The following ABCA12 variants were observed in gnomAD, a reference collection of about 807,000 sequenced individuals.
ABCA12 encodes the protein glucosylceramide transporter ABCA12.
ABCA12 carries 156 observed loss-of-function variants against 293.5 expected under a neutral mutation model. That is an observed-to-expected ratio of 0.53 (90% CI 0.47 to 0.61). The LOEUF is 0.61. ABCA12 is among the 20% of genes least tolerant of loss of function. The pLI is 0.00. For missense variants in ABCA12, 2,797 were observed against 3,090.2 expected (o/e 0.91, Z 2.25); for synonymous variants, 1,063 against 1,108.0 (o/e 0.96, Z 0.81).
chr2:214,961,906 C>T (rs1322522286), intron 39 of ABCA12: 2 of 152,160 alleles, frequency 1.3e-5, no homozygotes, highest in African/African-American at 4.8e-5. Flanking sequence ...ACTCTTCGGT[C>T]TACTTCTACA....
At chr2:215,090,263 CACAA>C (rs1702116470) in intron 2 of ABCA12, among the ~76,000 whole-genome samples, 1 of 152,132 alleles carries the variant, frequency 6.6e-6, no homozygotes, top group Admixed American at 6.5e-5. Flanking sequence ...TTATTGCTCA[CACAA>C]AGCCTGTTTG....
chr2:215,048,053 C>T (rs555672355), intron 6 of ABCA12, among the ~76,000 whole-genome samples: 192 of 151,048 alleles, frequency 1.3e-3, no homozygotes, highest in African/African-American at 4.1e-3. Context: ...CTACAGCCAA[C>T]AAGCATATGA....
intron 39 of ABCA12, chr2:214,963,110 A>T (rs1699158867): frequency 6.6e-6 from 1 of 152,114 alleles, no homozygotes; most frequent in East Asian, 1.9e-4. Context: ...AAAATCCTTA[A>T]AAAAATCAAC....
At chr2:215,069,294 G>A (rs764502350) in intron 2 of ABCA12, among the ~76,000 whole-genome samples, 19 of 151,388 alleles carry the variant, frequency 1.3e-4, no homozygotes, top group Admixed American at 3.3e-4. Flanking sequence ...CCTTCTGATC[G>A]TGCAAATAAT....
chr2:215,079,844 TG>T (rs1701903389), intron 2 of ABCA12, among the ~76,000 whole-genome samples: 1 of 152,202 alleles, frequency 6.6e-6, no homozygotes. Context: ...GATAGGCTGA[TG>T]AAATCAGACA....
At chr2:215,102,845 TAC>T (rs1228955590) in intron 2 of ABCA12, among the ~76,000 whole-genome samples, 2 of 152,208 alleles carry the variant, frequency 1.3e-5, no homozygotes, top group Non-Finnish European at 2.9e-5. Flanking sequence ...CACTGAACTC[TAC>T]GTTGGAGCTA....
At chr2:215,126,931 G>T (rs1702938444) in intron 1 of ABCA12, among the ~76,000 whole-genome samples, 1 of 151,936 alleles carries the variant, frequency 6.6e-6, no homozygotes, top group Admixed American at 6.6e-5. Context: ...GGCATTTAGG[G>T]CTATGAGCTT....
intron 2 of ABCA12, among the ~76,000 whole-genome samples, chr2:215,104,453 A>G (rs770819677): frequency 6.6e-6 from 1 of 152,238 alleles, no homozygotes; most frequent in Non-Finnish European, 1.5e-5. Context: ...CACTGCCAGC[A>G]GGAGCTGTAG....
At chr2:214,936,342 T>C (rs1261141621) in intron 51 of ABCA12, among the ~76,000 whole-genome samples, 2 of 152,154 alleles carry the variant, frequency 1.3e-5, no homozygotes, top group African/African-American at 4.8e-5. Context: ...TTGGAATGTA[T>C]CACCCATGAA....
intron 39 of ABCA12, among the ~76,000 whole-genome samples, chr2:214,961,005 A>T (rs1699096668): frequency 6.6e-6 from 1 of 152,132 alleles, no homozygotes; most frequent in Admixed American, 6.5e-5. Flanking sequence ...TAAAGTAAAA[A>T]CCCAATTCAT....
rs573492489 is a variant in ABCA12, at chr2:215,132,667, G to A, written c.69+5473C>T. Among the ~76,000 whole-genome samples the A allele has an allele frequency of 1.7e-4, 26 of 151,972 alleles. 1 individual carries two copies. In the East Asian group the frequency reaches 2.3e-3, roughly 14 times the overall value. On this transcript the variant is annotated intron_variant, in intron 1 of 52. Coordinates refer to ENST00000272895, the MANE Select transcript of ABCA12 (RefSeq NM_173076.3). Reference sequence around the variant, plus strand: ...GTGAGTCTCTTGTAGACAGAAGATGGCCATGTCTTTTTTAAAATCCTATTT... The same window carrying A: ...GTGAGTCTCTTGTAGACAGAAGATGACCATGTCTTTTTTAAAATCCTATTT...
intron 1 of ABCA12, among the ~76,000 whole-genome samples, chr2:215,119,666 C>T (rs1463163035): frequency 2.0e-5 from 3 of 150,012 alleles, no homozygotes; most frequent in Non-Finnish European, 4.4e-5. Flanking sequence ...TTGTTATATG[C>T]ACCTGTTTTT....
chr2:214,973,884 C>A (rs1238497255), intron 36 of ABCA12, 65 bp downstream of exon 36: 10 of 1,360,452 alleles, frequency 7.4e-6, no homozygotes, highest in Non-Finnish European at 1.1e-5. Flanking sequence ...CTAGAGAGAT[C>A]TTTCGAGCTT....
At chr2:214,974,242 CA>C (rs2105956391) in intron 35 of ABCA12, among the ~76,000 whole-genome samples, 200 bp from the exon 36 acceptor site, 1 of 152,244 alleles carries the variant, frequency 6.6e-6, no homozygotes, top group East Asian at 1.9e-4. Context: ...CAAGGGAGAG[CA>C]TTTATTGATT....
intron 2 of ABCA12, among the ~76,000 whole-genome samples, chr2:215,076,138 T>G (rs1339615739): frequency 6.6e-6 from 1 of 152,222 alleles, no homozygotes; most frequent in African/African-American, 2.4e-5. Context: ...CTCATCAGAC[T>G]TGACTTTTTT....
chr2:215,101,629 T>C (rs1002337393), intron 2 of ABCA12, among the ~76,000 whole-genome samples: 5 of 152,176 alleles, frequency 3.3e-5, no homozygotes, highest in African/African-American at 4.8e-5. Context: ...TTCTCCTAAA[T>C]TGTGTAAATC....
Position 214,937,594 on chromosome 2 carries a change from G to A in ABCA12, c.7458C>T (p.Val2486=), listed in dbSNP as rs763320094. The change falls in exon 51 of 53, where the codon GTC becomes GTT. Residue 2486 remains valine, a synonymous_variant. Transcript: ENST00000272895. ...IKSRFGRGFT[V]KVHLKNNKVT... ...CTTTGTTATTCTTCAAGTGAACTTT[G>A]ACAGTAAATCCTCGTCCAAACCTAG... 7 of 1,613,772 alleles carry A rather than the reference G, an allele frequency of 4.3e-6. No individual in the cohort carries two copies. The highest frequency in any genetic ancestry group is 5.1e-6 in the Non-Finnish European group (6 of 1,179,804).
chr2:214,983,929 C>G, intron 28 of ABCA12, 64 bp from the exon 29 acceptor site: 1 of 1,431,524 alleles, frequency 7.0e-7, no homozygotes, highest in Non-Finnish European at 9.7e-7. Flanking sequence ...TTAGGAATAA[C>G]TATATCTCAG....
intron 31 of ABCA12, among the ~76,000 whole-genome samples, chr2:214,980,113 T>C (rs2105963551): frequency 6.6e-6 from 1 of 152,334 alleles, no homozygotes; most frequent in South Asian, 2.1e-4. Context: ...GGTTGAAATG[T>C]TAGGAGAACT....
Sources: allele counts gnomAD v4.1 joint callset (sites outside exome capture counted in the v4.1 genomes callset), GRCh38; gene constraint gnomAD v4.1.1; transcripts MANE v1.5; gene names NCBI Gene and HGNC (gene_info 2026-07-23, HGNC 2026-07-21).